Variants in EMCN observed in about 807,000 individuals in gnomAD.
The protein encoded by EMCN is endomucin, also known as MUC-14.
EMCN carries 37 observed loss-of-function variants against 38.4 expected under a neutral mutation model. The observed-to-expected ratio is 0.96, with a 90% CI of 0.74 to 1.27. EMCN has a LOEUF of 1.27. Ranked by LOEUF, EMCN falls within the 50% of genes most tolerant of loss-of-function variation. EMCN has a pLI of 0.00. For synonymous variants in EMCN, 95 were observed against 100.8 expected, an observed-to-expected ratio of 0.94 and a Z score of 0.35; for missense variants, 318 against 302.8, an observed-to-expected ratio of 1.05 and a Z score of -0.37.
intron 11 of EMCN, among the ~76,000 whole-genome samples, chr4:100,408,391 C>T (rs749076180): frequency 9.9e-5 from 15 of 152,104 alleles, no homozygotes; most frequent in Admixed American, 5.2e-4. Flanking sequence ...TATAGTCAGT[C>T]GGTTTCATTT....
intron 1 of EMCN, among the ~76,000 whole-genome samples, chr4:100,486,489 T>C (rs1728945661): frequency 1.3e-5 from 2 of 152,226 alleles, no homozygotes; most frequent in Non-Finnish European, 2.9e-5. Flanking sequence ...TAAAAAGTAT[T>C]GTAGCAAGCA....
At chr4:100,407,362 T>C (rs1386497341) in intron 11 of EMCN, among the ~76,000 whole-genome samples, 3 of 152,194 alleles carry the variant, frequency 2.0e-5, no homozygotes, top group East Asian at 3.8e-4. Flanking sequence ...CCAGTAATGG[T>C]CTTTCATTTC....
intron 1 of EMCN, among the ~76,000 whole-genome samples, chr4:100,498,887 T>C (rs1729279069): frequency 6.6e-6 from 1 of 152,232 alleles, no homozygotes; most frequent in Non-Finnish European, 1.5e-5. Context: ...TCCTTATCAA[T>C]TCAAATAATT....
chr4:100,445,223 T>G (rs1727635024), intron 5 of EMCN, among the ~76,000 whole-genome samples: 2 of 152,214 alleles, frequency 1.3e-5, no homozygotes, highest in African/African-American at 4.8e-5. Context: ...CTAGAAGCTT[T>G]TAGTTGGCCA....
intron 4 of EMCN, among the ~76,000 whole-genome samples, chr4:100,449,005 T>C (rs1378966730): frequency 6.6e-6 from 1 of 152,068 alleles, no homozygotes; most frequent in Non-Finnish European, 1.5e-5. Flanking sequence ...ATTACTACCA[T>C]GTATGTACTT....
Position 100,489,625 on chromosome 4 carries a change from A to G in EMCN, c.65-9586T>C, listed in dbSNP as rs2163885. ...CCTGTGCTGCCAGTCATGTTCAAGT[A>G]TAGCATATATAATTATGTACAGTAT... On this transcript the variant is annotated intron_variant, in intron 1 of 11. Transcript: ENST00000296420. 9.5e-3 allele frequency among the ~76,000 whole-genome samples: 1,441 copies of G among 152,370 alleles called. 26 individuals are homozygous for G. The highest frequency in any genetic ancestry group is 0.033 in the African/African-American group (1,357 of 41,578).
Position 100,453,870 on chromosome 4 carries a change from T to C in EMCN, c.377-6299A>G, listed in dbSNP as rs576343828. ...AAAAATGATGAGTTCATGTCCTTTG[T>C]AGGGACATGGTTGAAGCTGGAAACC... On this transcript the variant is annotated intron_variant, in intron 4 of 11. Coordinates refer to ENST00000296420, the MANE Select transcript of EMCN (RefSeq NM_016242.4). Among the ~76,000 whole-genome samples the C allele has an allele frequency of 4.7e-3, 718 of 152,132 alleles. 6 individuals carry two copies. Among genetic ancestry groups the C allele is most frequent in the African/African-American group, 0.017 (685 of 41,502 alleles).
At chr4:100,433,963 G>T (rs1343339715) in intron 5 of EMCN, among the ~76,000 whole-genome samples, 1 of 152,060 alleles carries the variant, frequency 6.6e-6, no homozygotes, top group Non-Finnish European at 1.5e-5. Flanking sequence ...ACAATTAAAA[G>T]AACTAGAGAA....
chr4:100,449,277 C>T (rs913196249), intron 4 of EMCN, among the ~76,000 whole-genome samples: 1 of 152,040 alleles, frequency 6.6e-6, no homozygotes, highest in Non-Finnish European at 1.5e-5. Flanking sequence ...AGTTTCATAT[C>T]TTATTAGTTG....
At chr4:100,516,377 G>A (rs1729757548) in intron 1 of EMCN, among the ~76,000 whole-genome samples, 1 of 151,776 alleles carries the variant, frequency 6.6e-6, no homozygotes, top group Non-Finnish European at 1.5e-5. Flanking sequence ...ACTCGTCGAT[G>A]CTTGCAGACC....
chr4:100,475,216 A>G, intron 2 of EMCN, 107 bp from the exon 3 acceptor site: 2 of 473,984 alleles, frequency 4.2e-6, no homozygotes. Flanking sequence ...TCCTTTGTCT[A>G]TCTTTAATTT....
chr4:100,512,885 A>G (rs923426976), intron 1 of EMCN, among the ~76,000 whole-genome samples: 1 of 152,108 alleles, frequency 6.6e-6, no homozygotes, highest in African/African-American at 2.4e-5. Flanking sequence ...AAAGACAAAG[A>G]GGAAGTTGGA....
intron 4 of EMCN, among the ~76,000 whole-genome samples, chr4:100,464,390 A>G (rs1728260792): frequency 6.6e-6 from 1 of 151,994 alleles, no homozygotes; most frequent in Non-Finnish European, 1.5e-5. Context: ...TGTATTATCC[A>G]TTGTTGAATT....
rs187292002 is a variant in EMCN, at chr4:100,463,514, C to T, written c.376+1909G>A. On this transcript the variant is annotated intron_variant, in intron 4 of 11. Coordinates refer to ENST00000296420, the MANE Select transcript of EMCN (RefSeq NM_016242.4). ...TTTATAAAAAATATGATTTACACAC[C>T]ATTAAATGCACTCATTTTAAGAATA... Among the ~76,000 whole-genome samples the T allele has an allele frequency of 1.6e-3, 250 of 152,218 alleles. 1 individual carries two copies. Among genetic ancestry groups the T allele is most frequent in the African/African-American group, 5.8e-3 (242 of 41,542 alleles).
chr4:100,439,829 A>C (rs1727460435), intron 5 of EMCN, among the ~76,000 whole-genome samples: 2 of 151,800 alleles, frequency 1.3e-5, no homozygotes, highest in African/African-American at 4.8e-5. Flanking sequence ...GTTGTGCTTT[A>C]ATTATTGTTT....
rs1480457063 is a variant in EMCN at position 100,480,002 on chromosome 4, A to G, written c.102T>C (p.Thr34=). 6.3e-7 allele frequency: 1 copy of G among 1,595,590 alleles called. No homozygotes were observed. Reference sequence around the variant, plus strand: ...GTGTTGTTATAGATGGTTTTGTTGTAGTAACAACAAGTGAATTATTAGCTG... The same window carrying G: ...GTGTTGTTATAGATGGTTTTGTTGTGGTAACAACAAGTGAATTATTAGCTG... The part of the protein sequence containing the change: ...LEAANNSLVV[T]TTKPSITTPN... Residue 34 remains threonine (T), a synonymous_variant, in exon 2 of 12, where the codon ACT becomes ACC. Transcript: ENST00000296420.
intron 7 of EMCN, among the ~76,000 whole-genome samples, chr4:100,422,011 T>C (rs1251059573): frequency 1.3e-5 from 2 of 151,962 alleles, no homozygotes; most frequent in South Asian, 2.1e-4. Flanking sequence ...CCTGCCTTCC[T>C]TCCTTCCTTC....
chr4:100,455,071 C>G (rs889830497), intron 4 of EMCN, among the ~76,000 whole-genome samples: 3 of 152,022 alleles, frequency 2.0e-5, no homozygotes, highest in African/African-American at 7.2e-5. Flanking sequence ...ATTTTAAGTA[C>G]ACAATCTGAT....
intron 1 of EMCN, among the ~76,000 whole-genome samples, chr4:100,484,624 C>T (rs1317604643): frequency 6.6e-6 from 1 of 152,064 alleles, no homozygotes; most frequent in African/African-American, 2.4e-5. Context: ...GACGGCGGAT[C>T]ACCTCTCCTT....
Sources: allele counts gnomAD v4.1 joint callset (sites outside exome capture counted in the v4.1 genomes callset), GRCh38; gene constraint gnomAD v4.1.1; transcripts MANE v1.5; gene names NCBI Gene and HGNC (gene_info 2026-07-23, HGNC 2026-07-21).